MSH4: variants seen among roughly 807,000 people sequenced by gnomAD.
MSH4 encodes the protein mutS homolog 4, also known as mutS protein homolog 4.
Under a neutral mutation model 113.7 loss-of-function variants are expected in MSH4, and 106 were observed. That is an observed-to-expected ratio of 0.93 (90% CI 0.80 to 1.10). MSH4 has a LOEUF of 1.10. MSH4 is among the 50% of genes least tolerant of loss of function. MSH4 has a pLI of 0.00. For synonymous variants in MSH4, 368 were observed against 380.2 expected (o/e 0.97, Z 0.37); for missense variants, 1,061 against 1,093.7 (o/e 0.97, Z 0.42).
rs541844939 is a variant in MSH4 at position 75,831,751 on chromosome 1, A to C, written c.1162+9170A>C. Among the ~76,000 whole-genome samples the C allele has an allele frequency of 4.6e-5, 7 of 152,266 alleles. No homozygotes were observed. In the South Asian group the frequency reaches 6.2e-4, roughly 14 times the overall value. On this transcript the variant is annotated intron_variant, in intron 7 of 19. Transcript: ENST00000263187. ...TTTGAAACCAATGAGAACAAAGACA[A>C]AACATACCAGAATCTCTGGCACACA... is the stretch of plus-strand genomic sequence containing the variant.
chr1:75,898,465 T>C (rs568373942), intron 18 of MSH4, among the ~76,000 whole-genome samples: 10 of 152,080 alleles, frequency 6.6e-5, no homozygotes, highest in Admixed American at 6.6e-4. Context: ...TTCTGGGTAC[T>C]TGAAAATTAA....
intron 4 of MSH4, among the ~76,000 whole-genome samples, chr1:75,813,216 G>A (rs970647239): frequency 1.3e-5 from 2 of 152,128 alleles, no homozygotes; most frequent in African/African-American, 2.4e-5. Context: ...TTTCTCACAC[G>A]TTAGAGTAAT....
At chr1:75,850,561 A>G (rs1248753391) in intron 8 of MSH4, among the ~76,000 whole-genome samples, 1 of 151,996 alleles carries the variant, frequency 6.6e-6, no homozygotes, top group Non-Finnish European at 1.5e-5. Context: ...GACTTTTTTT[A>G]TGGCCCAAAA....
chr1:75,845,123 C>T (rs1042797077), intron 7 of MSH4, among the ~76,000 whole-genome samples: 8 of 152,236 alleles, frequency 5.3e-5, no homozygotes, highest in African/African-American at 1.9e-4. Context: ...CACCTCTCAA[C>T]AAGGTTGCAC....
At chr1:75,801,610 A>G (rs985081950) in intron 1 of MSH4, among the ~76,000 whole-genome samples, 1 of 148,894 alleles carries the variant, frequency 6.7e-6, no homozygotes, top group African/African-American at 2.5e-5. Flanking sequence ...ATGGTGGCTT[A>G]TGCTTGTAAT....
rs114039026 is a variant in MSH4 at position 75,881,328 on chromosome 1, A to C, written c.1864A>C (p.Met622Leu). The change falls in exon 14 of 20, where the codon ATG becomes CTG. Residue 622 changes from methionine to leucine, a missense_variant. Met to Leu is a conservative substitution (Grantham distance 15, BLOSUM62 2). Coordinates refer to ENST00000263187, the MANE Select transcript of MSH4 (RefSeq NM_002440.4). ...KLSDTVSMLDMLLSFAHACTL... is the reference protein window; with the variant it reads ...KLSDTVSMLDLLLSFAHACTL... Reference sequence around the variant, plus strand: ...ATCTGACACTGTGTCAATGCTGGATATGCTACTGTCATTTGCTCATGCCTG... The same window carrying C: ...ATCTGACACTGTGTCAATGCTGGATCTGCTACTGTCATTTGCTCATGCCTG... The C allele has an allele frequency of 6.2e-7, 1 of 1,612,084 alleles. No individual in the cohort carries two copies. Among genetic ancestry groups the C allele is most frequent in the Non-Finnish European group, 8.5e-7 (1 of 1,179,020 alleles).
At chr1:75,908,858 T>C (rs1652727788) in intron 19 of MSH4, among the ~76,000 whole-genome samples, 1 of 152,174 alleles carries the variant, frequency 6.6e-6, no homozygotes, top group African/African-American at 2.4e-5. Flanking sequence ...TTTGCAGTAC[T>C]ACACATCTCA....
At chr1:75,911,922 T>C (rs570403261) in intron 19 of MSH4, among the ~76,000 whole-genome samples, 1 of 152,198 alleles carries the variant, frequency 6.6e-6, no homozygotes, top group South Asian at 2.1e-4. Context: ...TGCTGATTTC[T>C]CTATCTAGTT....
intron 14 of MSH4, 71 bp from the exon 15 acceptor site, chr1:75,883,550 A>G (rs1651980793): frequency 1.4e-5 from 17 of 1,200,836 alleles, no homozygotes; most frequent in Middle Eastern, 2.7e-4. Flanking sequence ...TATAGACAAT[A>G]CATACACACT....
chr1:75,834,138 G>A (rs987598938), intron 7 of MSH4, among the ~76,000 whole-genome samples: 20 of 152,024 alleles, frequency 1.3e-4, no homozygotes, highest in Admixed American at 7.9e-4. Context: ...CAGACACTTC[G>A]CAAAAGAAGA....
chr1:75,876,882 TTGAA>T (rs1215191499), intron 9 of MSH4, 50 bp from the exon 10 acceptor site: 42 of 1,013,514 alleles, frequency 4.1e-5, no homozygotes, highest in Non-Finnish European at 6.0e-5. Context: ...AATGATATGT[TTGAA>T]TGATCTTGTA....
At chr1:75,802,887 T>C (rs895649055) in intron 1 of MSH4, among the ~76,000 whole-genome samples, 3 of 152,192 alleles carry the variant, frequency 2.0e-5, no homozygotes, top group Admixed American at 2.0e-4. Context: ...TGTAGAGTCC[T>C]GTAGTGGTAC....
At chr1:75,821,394 A>G (rs1056372320) in intron 6 of MSH4, among the ~76,000 whole-genome samples, 4 of 151,656 alleles carry the variant, frequency 2.6e-5, no homozygotes, top group African/African-American at 7.3e-5. Context: ...TCTCTGGGAC[A>G]CATTCAAAGC....
At chr1:75,884,927 T>G (rs1425707744) in intron 15 of MSH4, among the ~76,000 whole-genome samples, 1 of 150,910 alleles carries the variant, frequency 6.6e-6, no homozygotes, top group Non-Finnish European at 1.5e-5. Context: ...ATACTTCGAT[T>G]TGAATTAGCT....
chr1:75,830,333 G>A (rs986262105), intron 7 of MSH4, among the ~76,000 whole-genome samples: 16 of 152,132 alleles, frequency 1.1e-4, no homozygotes, highest in Admixed American at 2.0e-4. Context: ...TAAAAGTGAC[G>A]GGGAGAATGG....
chr1:75,909,007 T>C (rs566989400), intron 19 of MSH4, among the ~76,000 whole-genome samples: 229 of 152,340 alleles, frequency 1.5e-3, no homozygotes, highest in African/African-American at 5.2e-3. Flanking sequence ...CTCCTTCGAC[T>C]GAAATGAGGA....
chr1:75,848,982 A>C (rs2100546618), intron 8 of MSH4, among the ~76,000 whole-genome samples: 1 of 152,198 alleles, frequency 6.6e-6, no homozygotes, highest in Middle Eastern at 3.4e-3. Flanking sequence ...CCAAGGCTGG[A>C]GTGCAGTGGT....
At chr1:75,860,567 T>C (rs1241992105) in intron 8 of MSH4, among the ~76,000 whole-genome samples, 1 of 152,218 alleles carries the variant, frequency 6.6e-6, no homozygotes, top group Admixed American at 6.5e-5. Flanking sequence ...AAAATTCTTT[T>C]CTTTAAGAAT....
intron 8 of MSH4, among the ~76,000 whole-genome samples, chr1:75,854,906 G>C (rs1651282125): frequency 6.6e-6 from 1 of 151,902 alleles, no homozygotes; most frequent in Non-Finnish European, 1.5e-5. Flanking sequence ...TGATATTTTT[G>C]AATGAAAAAT....
Sources: gnomAD v4.1 joint callset for allele counts (sites outside exome capture counted in the v4.1 genomes callset) on GRCh38, gnomAD v4.1.1 for gene constraint, MANE v1.5 for transcripts, NCBI Gene and HGNC (gene_info 2026-07-23, HGNC 2026-07-21) for gene names.